Variants in PRTG observed in about 807,000 individuals in gnomAD.
PRTG encodes immunoglobulin superfamily, DCC subclass, member 5.
In PRTG, 67 loss-of-function variants were observed where a neutral mutation model predicts 122.5. The ratio of observed to expected loss-of-function variants is 0.55; its 90% CI spans 0.45 to 0.67. The LOEUF (loss-of-function observed/expected upper bound fraction) is 0.67. Ranked by LOEUF, PRTG falls within the 30% of genes least tolerant of loss-of-function variation. The pLI is 0.00. For synonymous variants in PRTG, 554 were observed against 501.1 expected, an observed-to-expected ratio of 1.11 and a Z score of -1.41; for missense variants, 1,435 against 1,415.4, an observed-to-expected ratio of 1.01 and a Z score of -0.22.
At position 55,616,115 on chromosome 15, in the gene PRTG, G is replaced by C. The variant is rs1269410429; in HGVS notation, c.*3897C>G. 6.6e-6 allele frequency: 1 copy of C among 152,048 alleles called. No individual in the cohort carries two copies. The highest frequency in any genetic ancestry group is 1.5e-5 in the Non-Finnish European group (1 of 67,970). The allele number at this position is 152,048 out of a possible 1,614,324, so 9.4% of individuals were successfully genotyped here. A position where few individuals can be genotyped will look rare whatever the true frequency, so the allele number is the denominator to read the frequency against. ...ACTGATTTTTAAAAGTCACTTAATGGATAAAGCTGTATTTTTACTTTTAGG... is the reference window on the plus strand; with the variant it reads ...ACTGATTTTTAAAAGTCACTTAATGCATAAAGCTGTATTTTTACTTTTAGG... On this transcript the variant is annotated 3_prime_UTR_variant, in exon 20 of 20. Coordinates refer to ENST00000389286, the MANE Select transcript of PRTG (RefSeq NM_173814.6).
chr15:55,737,007 G>A (rs1237139282), intron 2 of PRTG, among the ~76,000 whole-genome samples: 2 of 152,226 alleles, frequency 1.3e-5, no homozygotes, highest in African/African-American at 2.4e-5. Context: ...GCTTTCCTAC[G>A]AAATTTATCT....
chr15:55,660,108 T>C (rs2059401865), intron 11 of PRTG, among the ~76,000 whole-genome samples: 1 of 152,180 alleles, frequency 6.6e-6, no homozygotes, highest in African/African-American at 2.4e-5. Flanking sequence ...ATGTATGTTA[T>C]AAAATAAACA....
intron 10 of PRTG, 95 bp downstream of exon 10, chr15:55,673,274 TAA>T: frequency 1.1e-6 from 1 of 948,358 alleles, no homozygotes; most frequent in Non-Finnish European, 1.5e-6. Context: ...TTTTTATTTG[TAA>T]AACAAAATTT....
At chr15:55,642,839 AC>A (rs1301966023) in intron 11 of PRTG, among the ~76,000 whole-genome samples, 2 of 152,188 alleles carry the variant, frequency 1.3e-5, no homozygotes, top group African/African-American at 4.8e-5. Context: ...CTGTAACCCC[AC>A]TACTTTGGGA....
At position 55,704,276 on chromosome 15, in the gene PRTG, G is replaced by A. The variant is rs367731769; in HGVS notation, c.398-20345C>T. ...TCCATGCAATTTTACACTTTGCATC[G>A]GTCACAGAAAGAGAATCAATAAAGC... On this transcript the variant is annotated intron_variant, in intron 2 of 19. Transcript: ENST00000389286. Among the ~76,000 whole-genome samples, 17 of 152,198 alleles carry A rather than the reference G, an allele frequency of 1.1e-4. 1 individual carries two copies. The South Asian group carries it at 2.9e-3, about 26-fold the overall frequency.
At chr15:55,679,715 T>C (rs528940081) in intron 6 of PRTG, 9 of 426,650 alleles carry the variant, frequency 2.1e-5, no homozygotes, top group Non-Finnish European at 1.7e-5. Flanking sequence ...GAACAATATA[T>C]AGCCACATGC....
chr15:55,739,841 C>A (rs1399324297), intron 2 of PRTG, among the ~76,000 whole-genome samples: 4 of 152,116 alleles, frequency 2.6e-5, no homozygotes, highest in African/African-American at 9.7e-5. Context: ...TCTTTCCCTC[C>A]CAGCAGGAAA....
intron 2 of PRTG, among the ~76,000 whole-genome samples, chr15:55,709,005 GTGT>G (rs2030262636): frequency 6.6e-6 from 1 of 151,766 alleles, no homozygotes; most frequent in Non-Finnish European, 1.5e-5. Flanking sequence ...CATTAGCTTG[GTGT>G]GGTGGTGCGT....
chr15:55,678,180 G>A (rs2059514448), intron 7 of PRTG, 136 bp from the exon 8 acceptor site: 2 of 604,136 alleles, frequency 3.3e-6, no homozygotes, highest in African/African-American at 1.9e-5. Flanking sequence ...GTAGAACACT[G>A]CAGCAACTAT....
intron 9 of PRTG, among the ~76,000 whole-genome samples, chr15:55,674,362 A>C (rs1006983098): frequency 6.6e-6 from 1 of 152,178 alleles, no homozygotes; most frequent in Non-Finnish European, 1.5e-5. Flanking sequence ...AAATAATAAT[A>C]GCTCCTTTTA....
chr15:55,658,418 C>T (rs1293771842), intron 11 of PRTG, among the ~76,000 whole-genome samples: 4 of 151,832 alleles, frequency 2.6e-5, no homozygotes, highest in Non-Finnish European at 4.4e-5. Flanking sequence ...CAGGTTCAAG[C>T]GATTCTCTGG....
intron 11 of PRTG, among the ~76,000 whole-genome samples, chr15:55,665,534 G>T (rs2059434864): frequency 6.8e-6 from 1 of 146,738 alleles, no homozygotes; most frequent in African/African-American, 2.5e-5. Flanking sequence ...TCTTTCAGTG[G>T]TTAAAAAAAT....
intron 2 of PRTG, among the ~76,000 whole-genome samples, chr15:55,711,144 A>T (rs1595669695): frequency 6.8e-6 from 1 of 147,002 alleles, no homozygotes; most frequent in Middle Eastern, 3.2e-3. Context: ...CTGGTCTCGA[A>T]CTCCTGACCT....
intron 2 of PRTG, among the ~76,000 whole-genome samples, chr15:55,692,395 C>A (rs1230193046): frequency 2.0e-5 from 3 of 152,182 alleles, no homozygotes; most frequent in Admixed American, 1.3e-4. Flanking sequence ...CACCAAACAT[C>A]ATTTGGCTCA....
rs139661179 is a variant in PRTG, at chr15:55,650,118, G to A, written c.2042-8910C>T. 9.9e-5 allele frequency among the ~76,000 whole-genome samples: 15 copies of A among 152,272 alleles called. No individual in the cohort carries two copies. The East Asian group carries it at 2.5e-3, about 25-fold the overall frequency. On this transcript the variant is annotated intron_variant, in intron 11 of 19. Transcript: ENST00000389286. Reference sequence around the variant, plus strand: ...TTGGATATAAATCTTAGATTAACACGCTGTGTGGCTATGAAAGTTGCTCAG... The same window carrying A: ...TTGGATATAAATCTTAGATTAACACACTGTGTGGCTATGAAAGTTGCTCAG...
intron 2 of PRTG, among the ~76,000 whole-genome samples, chr15:55,719,456 G>A (rs541996152): frequency 6.6e-6 from 1 of 152,216 alleles, no homozygotes; most frequent in Non-Finnish European, 1.5e-5. Context: ...AAGAATGAAT[G>A]TCTATTAATG....
chr15:55,684,177 G>A (rs2059557376), intron 2 of PRTG, among the ~76,000 whole-genome samples: 1 of 152,118 alleles, frequency 6.6e-6, no homozygotes. Flanking sequence ...TTATCTATTT[G>A]GAGATAAAAA....
chr15:55,667,685 C>CT (rs1261663156), intron 11 of PRTG, among the ~76,000 whole-genome samples: 1 of 152,188 alleles, frequency 6.6e-6, no homozygotes, highest in Non-Finnish European at 1.5e-5. Flanking sequence ...TGTACTCACA[C>CT]TTTCGTCAGT....
chr15:55,699,480 C>A (rs2059650150), intron 2 of PRTG, among the ~76,000 whole-genome samples: 1 of 152,158 alleles, frequency 6.6e-6, no homozygotes, highest in African/African-American at 2.4e-5. Context: ...AACTAACTCA[C>A]AATTGGCTAT....
Sources: allele counts gnomAD v4.1 joint callset (sites outside exome capture counted in the v4.1 genomes callset), GRCh38; gene constraint gnomAD v4.1.1; transcripts MANE v1.5; gene names NCBI Gene and HGNC (gene_info 2026-07-23, HGNC 2026-07-21).